Variants in ARHGEF4 observed in about 807,000 individuals in gnomAD.
ARHGEF4 encodes APC-stimulated guanine nucleotide exchange factor 1.
A neutral mutation model predicts 162.0 loss-of-function variants in ARHGEF4; 119 were observed. The ratio of observed to expected loss-of-function variants is 0.73; its 90% CI spans 0.63 to 0.86. The LOEUF is 0.86. Among genes scored for constraint, ARHGEF4 ranks in the 40% least tolerant of loss-of-function variants. The pLI, the probability that ARHGEF4 is intolerant of heterozygous loss-of-function variation, is 0.00. For synonymous variants in ARHGEF4, 1,014 were observed against 979.9 expected (o/e 1.03, Z -0.65); for missense variants, 2,488 against 2,456.0 (o/e 1.01, Z -0.28).
intron 1 of ARHGEF4, among the ~76,000 whole-genome samples, chr2:130,901,811 G>A (rs926936312): frequency 3.3e-5 from 5 of 152,112 alleles, no homozygotes; most frequent in African/African-American, 9.7e-5. Context: ...CTGAGCCACC[G>A]TGCCCGGCCT....
At chr2:130,881,182 C>T (rs1679166558) in intron 1 of ARHGEF4, among the ~76,000 whole-genome samples, 1 of 152,068 alleles carries the variant, frequency 6.6e-6, no homozygotes. Context: ...CGTGCACCAC[C>T]ATGCCTGGCT....
In ARHGEF4 at chr2:131,041,269, C is replaced by T; in HGVS notation, c.4702C>T (p.His1568Tyr). 6.2e-7 allele frequency: 1 copy of T among 1,613,874 alleles called. No individual in the cohort carries two copies. Residue 1568 changes from histidine (H) to tyrosine (Y), a missense_variant, in exon 9 of 14, where the codon CAC (histidine) becomes TAC (tyrosine). Physicochemically the swap from His to Tyr is moderately conservative, Grantham distance 83 (BLOSUM62 2). Coordinates refer to ENST00000409359, the MANE Select transcript of ARHGEF4 (RefSeq NM_001367493.1). ...FQIYSEYCNN[H>Y]PNACVELSRL... ...GATCTACTCGGAGTACTGCAATAAC[C>T]ACCCCAACGCCTGCGTGGAGCTCTC... is the stretch of plus-strand genomic sequence containing the variant.
Position 131,045,372 on chromosome 2 carries a change from T to TCTC in ARHGEF4, c.5407_5409dup (p.Ser1803dup), listed in dbSNP as rs1312823175. The TCTC allele has an allele frequency of 1.2e-6, 2 of 1,612,730 alleles. No individual in the cohort carries two copies. Among genetic ancestry groups the TCTC allele is most frequent in the African/African-American group, 2.7e-5 (2 of 74,918 alleles). ...CTCACCTGTGCCCCTTCCTCAGGCT[T>TCTC]CTCCATCACTGAACTGCAGAGGAAG... On this transcript the variant is annotated inframe_insertion, in exon 13 of 14. Coordinates refer to ENST00000409359, the MANE Select transcript of ARHGEF4 (RefSeq NM_001367493.1).
Position 130,916,629 on chromosome 2 carries a change from G to A in ARHGEF4, c.2683G>A (p.Ala895Thr), listed in dbSNP as rs1158332861. Residue 895 changes from alanine (A) to threonine (T), a missense_variant, in exon 2 of 14, where the codon GCA becomes ACA. This residue lies in a region of ARHGEF4 where 1,642 missense variants were observed against 1,481.5 expected (regional missense o/e 1.11). Coordinates refer to ENST00000409359, the MANE Select transcript of ARHGEF4 (RefSeq NM_001367493.1). ...SRGPSSESCN[A>T]KRLKTTEKKL... ...AGGGCCTTCCTCTGAGAGCTGCAACGCAAAGAGACTCAAAACAACGGAGAA... is the reference window on the plus strand; with the variant it reads ...AGGGCCTTCCTCTGAGAGCTGCAACACAAAGAGACTCAAAACAACGGAGAA... 6.4e-6 allele frequency: 10 copies of A among 1,550,474 alleles called. No individual in the cohort carries two copies. In the Admixed American group the frequency reaches 2.0e-4, roughly 30 times the overall value.
At chr2:130,998,946 C>G (rs978798873) in intron 4 of ARHGEF4, among the ~76,000 whole-genome samples, 1 of 152,162 alleles carries the variant, frequency 6.6e-6, no homozygotes, top group African/African-American at 2.4e-5. Context: ...TGGATGAGAG[C>G]TCCTGTTGTT....
intron 5 of ARHGEF4, among the ~76,000 whole-genome samples, chr2:131,032,848 C>CTTTTTTT (rs111971610): frequency 1.9e-4 from 25 of 128,626 alleles, no homozygotes; most frequent in African/African-American, 7.4e-4. Context: ...TTTCTTTTTT[C>CTTTTTTT]TTTTTTTTTT....
At chr2:130,911,646 A>G (rs973369164) in intron 1 of ARHGEF4, among the ~76,000 whole-genome samples, 14 of 152,238 alleles carry the variant, frequency 9.2e-5, no homozygotes, top group African/African-American at 1.4e-4. Flanking sequence ...TGCGCAGACT[A>G]CACCAGCTTT....
chr2:130,884,806 G>A (rs1027567851), intron 1 of ARHGEF4, among the ~76,000 whole-genome samples: 2 of 151,920 alleles, frequency 1.3e-5, no homozygotes, highest in Non-Finnish European at 2.9e-5. Flanking sequence ...CCTTGAGGCC[G>A]GACCCTGCTG....
At chr2:130,925,528 C>G (rs910948910) in intron 2 of ARHGEF4, among the ~76,000 whole-genome samples, 1 of 151,510 alleles carries the variant, frequency 6.6e-6, no homozygotes, top group African/African-American at 2.4e-5. Context: ...AATAAATTCT[C>G]TCATTCTTCC....
At chr2:130,853,552 C>T (rs1396743765) in intron 1 of ARHGEF4, among the ~76,000 whole-genome samples, 1 of 152,214 alleles carries the variant, frequency 6.6e-6, no homozygotes, top group Admixed American at 6.5e-5. Flanking sequence ...CTCAGCAGGC[C>T]TGGGCCTCCT....
intron 4 of ARHGEF4, among the ~76,000 whole-genome samples, chr2:131,008,970 C>A (rs1464364497): frequency 6.6e-6 from 1 of 152,132 alleles, no homozygotes; most frequent in Non-Finnish European, 1.5e-5. Flanking sequence ...GTTGTACATA[C>A]CCACAGTTTA....
chr2:131,013,848 G>A (rs1640466989), intron 4 of ARHGEF4, among the ~76,000 whole-genome samples: 2 of 151,948 alleles, frequency 1.3e-5, no homozygotes, highest in Admixed American at 6.6e-5. Flanking sequence ...TGACCCACCC[G>A]CCTCTGCCTC....
intron 1 of ARHGEF4, among the ~76,000 whole-genome samples, chr2:130,912,622 A>G (rs1402846127): frequency 1.3e-5 from 2 of 152,062 alleles, no homozygotes; most frequent in African/African-American, 4.8e-5. Flanking sequence ...GCTTCAGTAC[A>G]AAGCTTGTGT....
intron 1 of ARHGEF4, among the ~76,000 whole-genome samples, chr2:130,846,817 C>T (rs1167940081): frequency 2.0e-5 from 3 of 152,158 alleles, no homozygotes; most frequent in African/African-American, 7.2e-5. Context: ...TGTGCTCAGA[C>T]ATGAGTCCGG....
intron 5 of ARHGEF4, among the ~76,000 whole-genome samples, chr2:131,038,241 C>G (rs1276662554): frequency 2.0e-5 from 3 of 151,692 alleles, no homozygotes; most frequent in Non-Finnish European, 3.0e-5. Flanking sequence ...CCTCCTGCAG[C>G]CTTGCAGCCC....
intron 1 of ARHGEF4, among the ~76,000 whole-genome samples, chr2:130,849,312 G>A (rs1366760008): frequency 6.6e-6 from 1 of 152,236 alleles, no homozygotes; most frequent in Non-Finnish European, 1.5e-5. Flanking sequence ...TGCAGGCAGG[G>A]CTGGGGAGGC....
chr2:130,969,920 CAT>C lies in ARHGEF4; in HGVS notation c.3985+23286_3985+23287del, dbSNP rs151261163. ...GCCTTTTGACTGGCTTCTTTAACCT[CAT>C]GTGTTGCGTTTGAGATTCATCCTCA... On this transcript the variant is annotated intron_variant, in intron 4 of 13. Coordinates refer to ENST00000409359, the MANE Select transcript of ARHGEF4 (RefSeq NM_001367493.1). Among the ~76,000 whole-genome samples the C allele has an allele frequency of 4.7e-3, 718 of 152,254 alleles. 8 individuals are homozygous for C. Among genetic ancestry groups the C allele is most frequent in the African/African-American group, 0.017 (697 of 41,518 alleles).
intron 4 of ARHGEF4, among the ~76,000 whole-genome samples, chr2:130,981,297 T>G (rs1021902827): frequency 3.9e-5 from 6 of 152,094 alleles, no homozygotes; most frequent in African/African-American, 1.4e-4. Flanking sequence ...AATAAATGCC[T>G]TCTACTAAAA....
At chr2:130,932,351 G>T (rs1215050627) in intron 3 of ARHGEF4, among the ~76,000 whole-genome samples, 1 of 152,158 alleles carries the variant, frequency 6.6e-6, no homozygotes, top group Non-Finnish European at 1.5e-5. Flanking sequence ...TGGGATTACA[G>T]GTGCCTGCCA....
Sources: allele counts gnomAD v4.1 joint callset (sites outside exome capture counted in the v4.1 genomes callset), GRCh38; gene constraint gnomAD v4.1.1; regional missense constraint gnomAD v4.1.1; transcripts MANE v1.5; gene names NCBI Gene and HGNC (gene_info 2026-07-23, HGNC 2026-07-21).